ATP1A2: variants seen among roughly 807,000 people sequenced by gnomAD.
ATP1A2 encodes the protein sodium/potassium-transporting ATPase subunit alpha-2.
ATP1A2 carries 56 observed loss-of-function variants against 113.1 expected under a neutral mutation model. The observed-to-expected ratio is 0.49, with a 90% CI of 0.40 to 0.62. The LOEUF (loss-of-function observed/expected upper bound fraction) is 0.62. ATP1A2 is among the 20% of genes least tolerant of loss of function. The pLI, the probability that ATP1A2 is intolerant of heterozygous loss-of-function variation, is 0.00. For synonymous variants in ATP1A2, 490 were observed against 526.8 expected (o/e 0.93, Z 0.96); for missense variants, 712 against 1,357.8 (o/e 0.52, Z 7.47).
In ATP1A2 at chr1:160,141,857, G is replaced by C. The variant is rs961293073; in HGVS notation, c.*535G>C. On this transcript the variant is annotated 3_prime_UTR_variant, in exon 23 of 23. Coordinates refer to ENST00000361216, the MANE Select transcript of ATP1A2 (RefSeq NM_000702.4). ...GCCTGAGACTGGAAAAGGTGGACTT[G>C]TCTCCCAGTCGAGGCTGGTAAGGGA... 1.2e-5 allele frequency: 2 copies of C among 164,166 alleles called. No individual in the cohort carries two copies. Among genetic ancestry groups the C allele is most frequent in the African/African-American group, 4.8e-5 (2 of 41,828 alleles). The allele number at this position is 164,166 out of a possible 1,614,324, so 10.2% of individuals were successfully genotyped here. A position where few individuals can be genotyped will look rare whatever the true frequency, so the allele number is the denominator to read the frequency against.
At chr1:160,122,878 G>A (rs773070577) in intron 3 of ATP1A2, among the ~76,000 whole-genome samples, 2 of 152,160 alleles carry the variant, frequency 1.3e-5, no homozygotes, top group Non-Finnish European at 2.9e-5. Flanking sequence ...TGAAGGAAGA[G>A]AGATGGGGAA....
intron 13 of ATP1A2, 34 bp downstream of exon 13, chr1:160,130,631 C>G (rs763588183): frequency 3.7e-6 from 6 of 1,613,612 alleles, no homozygotes; most frequent in Non-Finnish European, 5.1e-6. Flanking sequence ...CCATTCTAGC[C>G]TCCCCCATGC....
Position 160,127,829 on chromosome 1 carries a change from G to T in ATP1A2, c.1017+9G>T, listed in dbSNP as rs1057521623. ...TTCTGGCCACTGTCACTGTGAGTGGGTCAGGCTGAGGTGCCACCAGGGGAG... is the reference window on the plus strand; with the variant it reads ...TTCTGGCCACTGTCACTGTGAGTGGTTCAGGCTGAGGTGCCACCAGGGGAG... On this transcript the variant is annotated intron_variant, in intron 8 of 22. Coordinates refer to ENST00000361216, the MANE Select transcript of ATP1A2 (RefSeq NM_000702.4). 6.3e-7 allele frequency: 1 copy of T among 1,587,574 alleles called. No individual in the cohort carries two copies. The highest frequency in any genetic ancestry group is 8.6e-7 in the Non-Finnish European group (1 of 1,165,588).
chr1:160,127,941 T>A (rs1376121394), intron 8 of ATP1A2, 121 bp downstream of exon 8: 15 of 1,360,188 alleles, frequency 1.1e-5, no homozygotes, highest in Non-Finnish European at 1.4e-5. Flanking sequence ...ACTTATTGGA[T>A]GCGATACTCA....
intron 18 of ATP1A2, 53 bp from the exon 19 acceptor site, chr1:160,136,517 C>A (rs1471169091): frequency 6.2e-7 from 1 of 1,613,978 alleles, no homozygotes; most frequent in African/African-American, 1.3e-5. Context: ...GGGGCTGTGC[C>A]CCTTCTGCTT....
Position 160,130,022 on chromosome 1 carries a change from G to T in ATP1A2, c.1462-80G>T. ...GGGTTGGGGCTACTTTTCTAAGGTG[G>T]TTTCCTTACCAGCTGCTGCTCTATG... On this transcript the variant is annotated intron_variant, in intron 11 of 22. Transcript: ENST00000361216. 8 of 1,571,756 alleles carry T rather than the reference G, an allele frequency of 5.1e-6. No homozygotes were observed. In the South Asian group the frequency reaches 7.8e-5, roughly 15 times the overall value.
Position 160,135,353 on chromosome 1 carries a change from C to A in ATP1A2, c.2115+58C>A. On this transcript the variant is annotated intron_variant, in intron 15 of 22. Coordinates refer to ENST00000361216, the MANE Select transcript of ATP1A2 (RefSeq NM_000702.4). The surrounding 1 kb of genome is among the most constrained non-coding windows in gnomAD (Gnocchi z 6.3). ...AGGGACCGGGGAGGCAGGGACAGGG[C>A]CAAGACAAGCATGGAGTGAGAGGCG... 1 of 1,614,166 alleles carries A rather than the reference C, an allele frequency of 6.2e-7. No homozygotes were observed. Among genetic ancestry groups the A allele is most frequent in the East Asian group, 2.2e-5 (1 of 44,888 alleles).
At chr1:160,124,089 T>C in intron 5 of ATP1A2, 33 bp downstream of exon 5, 1 of 1,610,050 alleles carries the variant, frequency 6.2e-7, no homozygotes, top group Non-Finnish European at 8.5e-7. Flanking sequence ...TGGGCTAGGC[T>C]GTAAGGTTTT....
Position 160,135,093 on chromosome 1 carries a change from G to T in ATP1A2, c.1965-52G>T, listed in dbSNP as rs1651891923. The T allele has an allele frequency of 6.2e-7, 1 of 1,611,598 alleles. No homozygotes were observed. Among genetic ancestry groups the T allele is most frequent in the Non-Finnish European group, 8.5e-7 (1 of 1,178,982 alleles). On this transcript the variant is annotated intron_variant, in intron 14 of 22. Coordinates refer to ENST00000361216, the MANE Select transcript of ATP1A2 (RefSeq NM_000702.4). This position sits in a 1 kb window ranked among gnomAD's most constrained non-coding sequence, Gnocchi z 6.3. ...GTGAAGAGAGGCAGGGGGCAGGAGG[G>T]GCTGGTACAGGTGCCAGGGGTCAGC...
At chr1:160,121,924 C>A (rs978555694) in intron 3 of ATP1A2, among the ~76,000 whole-genome samples, 3 of 152,084 alleles carry the variant, frequency 2.0e-5, no homozygotes, top group Non-Finnish European at 4.4e-5. Context: ...TTAAGGTCAG[C>A]GGTTTGAGAG....
Position 160,115,885 on chromosome 1 carries a change from T to A in ATP1A2, c.12+12T>A, listed in dbSNP as rs376784470. The A allele has an allele frequency of 1.2e-6, 2 of 1,601,274 alleles. No homozygotes were observed. Among genetic ancestry groups the A allele is most frequent in the Non-Finnish European group, 1.7e-6 (2 of 1,174,460 alleles). On this transcript the variant is annotated intron_variant, in intron 1 of 22. Transcript: ENST00000361216. ...AGATGGGCCGTGGGGTGAGTATCCCTAAAGAGCAGGGGTCGCAGTCTAGAG... is the reference window on the plus strand; with the variant it reads ...AGATGGGCCGTGGGGTGAGTATCCCAAAAGAGCAGGGGTCGCAGTCTAGAG...
intron 1 of ATP1A2, among the ~76,000 whole-genome samples, chr1:160,117,747 C>T (rs902310927): frequency 6.6e-6 from 1 of 152,076 alleles, no homozygotes; most frequent in Admixed American, 6.6e-5. Context: ...TGAAGGGCAG[C>T]GTGGGAGTTG....
intron 1 of ATP1A2, 60 bp from the exon 2 acceptor site, chr1:160,120,846 G>T (rs1286489471): frequency 7.3e-5 from 111 of 1,519,738 alleles, no homozygotes; most frequent in Non-Finnish European, 9.7e-5. Context: ...GCTGAGTGGT[G>T]GGAATGGAGG....
chr1:160,135,846 G>C lies in ATP1A2; in HGVS notation c.2292G>C (p.Leu764=), dbSNP rs753003302. The C allele has an allele frequency of 3.2e-5, 52 of 1,614,130 alleles. 2 individuals are homozygous for C. In the South Asian group the frequency reaches 5.5e-4, roughly 17 times the overall value. Residue 764 remains leucine (L), a synonymous_variant, in exon 17 of 23, where the codon CTG becomes CTC. Transcript: ENST00000361216. This position sits in a 1 kb window ranked among gnomAD's most constrained non-coding sequence, Gnocchi z 6.3. ...CTCAGAATCTCCCCACAGGCCGCCT[G>C]ATCTTTGACAACTTGAAGAAATCCA... The part of the protein sequence containing the change: ...SIVTGVEEGR[L]IFDNLKKSIA...
Position 160,129,319 on chromosome 1 carries a change from C to T in ATP1A2, c.1380C>T (p.Leu460=). 1 of 1,614,172 alleles carries T rather than the reference C, an allele frequency of 6.2e-7. No individual in the cohort carries two copies. ...CAGCTCTGCTCAAGTGCATTGAGCT[C>T]TCCTGTGGCTCAGTGAGGAAAATGA... The part of the protein sequence containing the change: ...SESALLKCIE[L]SCGSVRKMRD... The change falls in exon 11 of 23, where the codon CTC becomes CTT. Residue 460 remains leucine (L), a synonymous_variant. Transcript: ENST00000361216.
intron 1 of ATP1A2, among the ~76,000 whole-genome samples, chr1:160,117,623 G>C (rs908662324): frequency 6.6e-6 from 1 of 152,130 alleles, no homozygotes; most frequent in Admixed American, 6.5e-5. Flanking sequence ...CCTGAAGAGG[G>C]AAGGCATCTG....
chr1:160,124,541 A>T, intron 6 of ATP1A2, 111 bp downstream of exon 6: 1 of 1,493,548 alleles, frequency 6.7e-7, no homozygotes, highest in Admixed American at 2.0e-5. Context: ...CCAAATGTCA[A>T]CACCATGCCT....
intron 4 of ATP1A2, among the ~76,000 whole-genome samples, chr1:160,123,712 C>G (rs1651495509): frequency 6.6e-6 from 1 of 152,222 alleles, no homozygotes; most frequent in South Asian, 2.1e-4. Flanking sequence ...AAGTCCTAAC[C>G]CTGGGAACTT....
chr1:160,134,664 C>T (rs764307841), intron 14 of ATP1A2, 44 bp downstream of exon 14: 2 of 1,614,022 alleles, frequency 1.2e-6, no homozygotes, highest in South Asian at 1.1e-5. Context: ...TCAACACGTC[C>T]TCTTGCACAG....
Sources: gnomAD v4.1 joint callset for allele counts (sites outside exome capture counted in the v4.1 genomes callset) on GRCh38, gnomAD v4.1.1 for gene constraint, Gnocchi (gnomAD v3.1) non-coding constraint, MANE v1.5 for transcripts, NCBI Gene and HGNC (gene_info 2026-07-23, HGNC 2026-07-21) for gene names.